Variants in FBRS observed in about 807,000 individuals in gnomAD.
FBRS encodes the protein probable fibrosin-1.
Under a neutral mutation model 86.1 loss-of-function variants are expected in FBRS, and 15 were observed. The ratio of observed to expected loss-of-function variants is 0.17; its 90% CI spans 0.12 to 0.27. The LOEUF (loss-of-function observed/expected upper bound fraction) is 0.27. Among genes scored for constraint, FBRS ranks in the 10% least tolerant of loss-of-function variants. The pLI, the probability that FBRS is intolerant of heterozygous loss-of-function variation, is 1.00. For missense variants in FBRS, 1,367 were observed against 1,301.6 expected (o/e 1.05, Z -0.77); for synonymous variants, 666 against 575.8 (o/e 1.16, Z -2.24).
intron 1 of FBRS, 41 bp downstream of exon 1, chr16:30,660,018 G>A (rs1044151490): frequency 1.9e-6 from 3 of 1,538,946 alleles, no homozygotes; most frequent in Admixed American, 2.0e-5. Context: ...GGGTTTCCGA[G>A]GGGCAGCAAG....
At chr16:30,662,383 C>T in intron 4 of FBRS, 37 bp from the exon 5 acceptor site, 2 of 1,549,694 alleles carry the variant, frequency 1.3e-6, no homozygotes, top group Non-Finnish European at 1.7e-6. Context: ...CCTGGCCCAC[C>T]CACAACCTAA....
Position 30,659,589 on chromosome 16 carries a change from G to C in FBRS, c.71G>C (p.Cys24Ser). Residue 24 changes from cysteine to serine, a missense_variant, in exon 1 of 18, where the codon TGC becomes TCC. Transcript: ENST00000356166. Reference protein sequence around the residue: ...AAEGERRRRRCSRRDRDREQR... With the variant: ...AAEGERRRRRSSRRDRDREQR... ...GAGGGGGAGCGCCGACGGCGGCGCT[G>C]CTCGCGCCGAGACCGAGACCGGGAG... 2.8e-6 allele frequency: 1 copy of C among 351,178 alleles called. No homozygotes were observed. The highest frequency in any genetic ancestry group is 1.3e-4 in the South Asian group (1 of 7,976). 21.8% of individuals were successfully genotyped at this position (351,178 alleles called of 1,614,324 possible). A position where few individuals can be genotyped will look rare whatever the true frequency, so the allele number is the denominator to read the frequency against.
chr16:30,662,214 C>G, intron 4 of FBRS: 1 of 742,552 alleles, frequency 1.3e-6, no homozygotes, highest in Non-Finnish European at 2.1e-6. Context: ...CTTGGCCTAT[C>G]GGATTCTTGG....
chr16:30,666,678 G>A, intron 12 of FBRS, 137 bp downstream of exon 12: 22 of 1,435,452 alleles, frequency 1.5e-5, no homozygotes, highest in Non-Finnish European at 1.9e-5. Context: ...CAGAGAGTGA[G>A]GGCTTTCAAG....
In FBRS at chr16:30,664,474, G is replaced by A. The variant is rs557328726; in HGVS notation, c.1315G>A (p.Val439Met). 29 of 1,401,834 alleles carry A rather than the reference G, an allele frequency of 2.1e-5. 1 individual carries two copies. In the South Asian group the frequency reaches 4.3e-4, roughly 21 times the overall value. The allele number at this position is 1,401,834 out of a possible 1,614,324, so 86.8% of individuals were successfully genotyped here. ...TLPPPPPLLQVPGHPGASAAN... is the reference protein window; with the variant it reads ...TLPPPPPLLQMPGHPGASAAN... ...GCCCCCACCCCCACCCCTGCTGCAG[G>A]TGCCAGGGCACCCTGGGGCCTCAGC... The change falls in exon 7 of 18, where the codon GTG (valine) becomes ATG (methionine). Residue 439 changes from valine to methionine, a missense_variant. Val to Met is a conservative substitution (Grantham distance 21). Transcript: ENST00000356166.
At chr16:30,662,536 A>G in intron 5 of FBRS, 23 bp from the exon 6 acceptor site, 5 of 1,549,124 alleles carry the variant, frequency 3.2e-6, no homozygotes, top group Non-Finnish European at 8.7e-7. Context: ...TCAACTGAGC[A>G]TGTCTGCCAT....
chr16:30,660,681 C>T, intron 2 of FBRS: 1 of 603,854 alleles, frequency 1.7e-6, no homozygotes, highest in African/African-American at 1.9e-5. Flanking sequence ...AGAGAGGCGT[C>T]AAAGGAATAT....
rs778845075 is a variant in FBRS, at chr16:30,662,816, C to T, written c.1012C>T (p.Arg338Cys). 3.1e-5 allele frequency: 45 copies of T among 1,471,282 alleles called. No homozygotes were observed. Among genetic ancestry groups the T allele is most frequent in the South Asian group, 4.2e-5 (3 of 72,162 alleles). The allele number at this position is 1,471,282 out of a possible 1,614,324, so 91.1% of individuals were successfully genotyped here. ...GCTTCGGGTCTCACCCTTCGGCCTCCGCACTTCTCCATATGGCAGCAGCCT... is the reference window on the plus strand; with the variant it reads ...GCTTCGGGTCTCACCCTTCGGCCTCTGCACTTCTCCATATGGCAGCAGCCT... ...LQLRVSPFGL[R>C]TSPYGSSLDL... Residue 338 changes from arginine to cysteine, a missense_variant, in exon 6 of 18, where the codon CGC becomes TGC. Coordinates refer to ENST00000356166, the MANE Select transcript of FBRS (RefSeq NM_001105079.3).
chr16:30,668,519 C>A, intron 15 of FBRS, 41 bp from the exon 16 acceptor site: 1 of 1,564,996 alleles, frequency 6.4e-7, no homozygotes, highest in South Asian at 1.1e-5. Flanking sequence ...TGCTCAGCAC[C>A]GGCTGCCCAG....
At position 30,662,553 on chromosome 16, in the gene FBRS, C is replaced by T. The variant is rs2052473703; in HGVS notation, c.755-6C>T. 4.5e-6 allele frequency: 7 copies of T among 1,545,818 alleles called. No homozygotes were observed. The Admixed American group carries it at 9.9e-5, about 22-fold the overall frequency. The stretch of plus-strand genomic sequence containing the variant: ...AACTGAGCATGTCTGCCATCCTGCC[C>T]CACAGCCTCGGGCCCCCACGGCGCC... On this transcript the variant is annotated splice_region_variant and splice_polypyrimidine_tract_variant and intron_variant, in intron 5 of 17. Transcript: ENST00000356166.
rs1181024881 is a variant in FBRS, at chr16:30,659,021, G to T, written c.-498G>T. On this transcript the variant is annotated 5_prime_UTR_variant, in exon 1 of 18. Transcript: ENST00000356166. ...TAAAGGGACGGCCTGCTGTTAGAAG[G>T]ACCCTGGACTCCTTAAAGGGGTGGC... 1.3e-5 allele frequency: 2 copies of T among 152,054 alleles called. No individual in the cohort carries two copies. Among genetic ancestry groups the T allele is most frequent in the Non-Finnish European group, 2.9e-5 (2 of 68,004 alleles). 9.4% of individuals were successfully genotyped at this position (152,054 alleles called of 1,614,324 possible).
Position 30,670,205 on chromosome 16 carries a change from C to T in FBRS, c.*560C>T, listed in dbSNP as rs979995864. 8.7e-6 allele frequency: 4 copies of T among 458,038 alleles called. No homozygotes were observed. The highest frequency in any genetic ancestry group is 8.0e-5 in the African/African-American group (4 of 50,060). The allele number at this position is 458,038 out of a possible 1,614,324, so 28.4% of individuals were successfully genotyped here. On this transcript the variant is annotated 3_prime_UTR_variant, in exon 18 of 18. Coordinates refer to ENST00000356166, the MANE Select transcript of FBRS (RefSeq NM_001105079.3). ...CCTCAGACTGGTGCTGTGTTCCTAGCCTCTGGCCTCTCTGTGGGGAAAGGG... is the reference window on the plus strand; with the variant it reads ...CCTCAGACTGGTGCTGTGTTCCTAGTCTCTGGCCTCTCTGTGGGGAAAGGG...
At chr16:30,660,870 T>A (rs1167630953) in intron 2 of FBRS, among the ~76,000 whole-genome samples, 1 of 151,958 alleles carries the variant, frequency 6.6e-6, no homozygotes, top group Non-Finnish European at 1.5e-5. Flanking sequence ...GCCTGGGGGA[T>A]GGGAGGAGAG....
Position 30,669,070 on chromosome 16 carries a change from G to A in FBRS, c.2368G>A (p.Asp790Asn). The change falls in exon 18 of 18, where the codon GAC becomes AAC. Residue 790 changes from aspartate to asparagine, a missense_variant and splice_region_variant. Physicochemically the swap from Asp to Asn is conservative, Grantham distance 23 (BLOSUM62 1). This residue lies in a region of FBRS where 659 missense variants were observed against 678.8 expected (regional missense o/e 0.97). Transcript: ENST00000356166. The surrounding 1 kb of genome is among the most constrained non-coding windows in gnomAD (Gnocchi z 5.9). Reference sequence around the variant, plus strand: ...TCTCTCCCCACGCCTGCCCTCCAGGGACCTCCCCTTCTCACGGCCCCAGCT... The same window carrying A: ...TCTCTCCCCACGCCTGCCCTCCAGGAACCTCCCCTTCTCACGGCCCCAGCT... ...PSITKEEKDR[D>N]LPFSRPQLRV... 1 of 1,599,246 alleles carries A rather than the reference G, an allele frequency of 6.3e-7. No homozygotes were observed.
intron 4 of FBRS, 90 bp downstream of exon 4, chr16:30,661,423 C>T (rs1046588689): frequency 5.2e-6 from 8 of 1,546,398 alleles, no homozygotes; most frequent in African/African-American, 2.7e-5. Context: ...AGACAGCCTT[C>T]CCTTGAGTGA....
chr16:30,665,717 C>T lies in FBRS; in HGVS notation c.1773+11C>T, dbSNP rs774824071. 6.4e-7 allele frequency: 1 copy of T among 1,571,392 alleles called. No homozygotes were observed. The highest frequency in any genetic ancestry group is 1.7e-4 in the Middle Eastern group (1 of 6,002). On this transcript the variant is annotated intron_variant, in intron 11 of 17. Coordinates refer to ENST00000356166, the MANE Select transcript of FBRS (RefSeq NM_001105079.3). This position sits in a 1 kb window ranked among gnomAD's most constrained non-coding sequence, Gnocchi z 4.1. ...CAGAAGGGGACACAGGTGAGGGGGCCAGGGCAGGTCCTGGGGGAGCTGGAA... is the reference window on the plus strand; with the variant it reads ...CAGAAGGGGACACAGGTGAGGGGGCTAGGGCAGGTCCTGGGGGAGCTGGAA...
At position 30,666,606 on chromosome 16, in the gene FBRS, G is replaced by C. The variant is rs562545241; in HGVS notation, c.1803+65G>C. ...GCTGGTGTTAGCATGTTTGGCTAAG[G>C]GGGGTTTTGCTTACAAATAAGTGAG... On this transcript the variant is annotated intron_variant, in intron 12 of 17. Transcript: ENST00000356166. 5.0e-6 allele frequency: 8 copies of C among 1,611,442 alleles called. No individual in the cohort carries two copies. The African/African-American group carries it at 6.7e-5, about 13-fold the overall frequency.
At chr16:30,667,864 G>A (rs945784652) in intron 15 of FBRS, 27 of 435,780 alleles carry the variant, frequency 6.2e-5, no homozygotes, top group Non-Finnish European at 9.7e-5. Flanking sequence ...CAGTGGCAGG[G>A]GCAGTACGCC....
Position 30,668,557 on chromosome 16 carries a change from C to T in FBRS, c.2075-3C>T. Reference sequence around the variant, plus strand: ...CTCTGACCACCCCCCTTTCCTCCCACAGATCCCTTTGGGCGTCCCACAAGC... The same window carrying T: ...CTCTGACCACCCCCCTTTCCTCCCATAGATCCCTTTGGGCGTCCCACAAGC... On this transcript the variant is annotated splice_polypyrimidine_tract_variant and splice_region_variant and intron_variant, in intron 15 of 17. Coordinates refer to ENST00000356166, the MANE Select transcript of FBRS (RefSeq NM_001105079.3). The T allele has an allele frequency of 6.2e-7, 1 of 1,610,538 alleles. No individual in the cohort carries two copies. Among genetic ancestry groups the T allele is most frequent in the South Asian group, 1.1e-5 (1 of 90,926 alleles).
Sources: allele counts gnomAD v4.1 joint callset (sites outside exome capture counted in the v4.1 genomes callset), GRCh38; gene constraint gnomAD v4.1.1; regional missense constraint gnomAD v4.1.1; non-coding constraint Gnocchi (gnomAD v3.1); transcripts MANE v1.5; gene names NCBI Gene and HGNC (gene_info 2026-07-23, HGNC 2026-07-21).